The following KIF3A variants were observed in gnomAD, a reference collection of about 807,000 sequenced individuals.
The protein encoded by KIF3A is kinesin family member 3A, also known as kinesin-like protein KIF3A.
A neutral mutation model predicts 92.6 loss-of-function variants in KIF3A; 27 were observed. The ratio of observed to expected loss-of-function variants is 0.29; its 90% CI spans 0.21 to 0.40. KIF3A has a LOEUF of 0.40. Among genes scored for constraint, KIF3A ranks in the 10% least tolerant of loss-of-function variants. KIF3A has a pLI of 1.00. For missense variants in KIF3A, 581 were observed against 872.6 expected, an observed-to-expected ratio of 0.67 and a Z score of 4.21; for synonymous variants, 250 against 275.4, an observed-to-expected ratio of 0.91 and a Z score of 0.92.
chr5:132,727,904 A>T (rs1388348300), intron 2 of KIF3A, among the ~76,000 whole-genome samples: 2 of 152,140 alleles, frequency 1.3e-5, no homozygotes, highest in African/African-American at 2.4e-5. Context: ...CTTTTCTCAG[A>T]CTTTTTTTTG....
chr5:132,726,486 G>A lies in KIF3A; in HGVS notation c.293C>T (p.Ala98Val), dbSNP rs1754037602. Residue 98 changes from alanine (A) to valine (V), a missense_variant, in exon 3 of 19, where the codon GCA becomes GTA. Around this residue, in one of 5 missense-constraint regions of KIF3A, gnomAD observed 217 missense variants for 299.7 expected, o/e 0.72. Coordinates refer to ENST00000403231, the MANE Select transcript of KIF3A (RefSeq NM_001300791.2). ...VLEGYNGTIF[A>V]YGQTGTGKTF... ...TTTGCCTGTTCCGGTTTGTCCATATGCAAAAATAGTCCCTGAAAATGATGA... is the reference window on the plus strand; with the variant it reads ...TTTGCCTGTTCCGGTTTGTCCATATACAAAAATAGTCCCTGAAAATGATGA... 2 of 1,613,048 alleles carry A rather than the reference G, an allele frequency of 1.2e-6. No homozygotes were observed. Among genetic ancestry groups the A allele is most frequent in the Non-Finnish European group, 1.7e-6 (2 of 1,179,302 alleles).
Position 132,711,049 on chromosome 5 carries a change from T to G in KIF3A, c.1138A>C (p.Ile380Leu). ...GACCCACTGATATCAGAGCCTGATA[T>G]TTCTTCTCCTTGGACAGAAATTTAA... ...LKKKLEEGEE[I>L]SGSDISGSEE... Residue 380 changes from isoleucine (I) to leucine (L), a missense_variant, in exon 9 of 19, where the codon ATA becomes CTA. Ile to Leu is a conservative substitution (Grantham distance 5). Around this residue, in one of 5 missense-constraint regions of KIF3A, gnomAD observed 167 missense variants for 205.8 expected, o/e 0.81. Coordinates refer to ENST00000403231, the MANE Select transcript of KIF3A (RefSeq NM_001300791.2). The G allele has an allele frequency of 6.2e-7, 1 of 1,611,072 alleles. No homozygotes were observed. The highest frequency in any genetic ancestry group is 1.1e-5 in the South Asian group (1 of 90,998).
chr5:132,697,861 C>G (rs1285576009), intron 18 of KIF3A: 2 of 152,218 alleles, frequency 1.3e-5, no homozygotes, highest in African/African-American at 4.8e-5. Context: ...CTGCTCACCA[C>G]TGCCAATTTT....
rs1055005413 is a variant in KIF3A at position 132,702,283 on chromosome 5, G to T, written c.1759-71C>A. The T allele has an allele frequency of 6.2e-5, 92 of 1,476,458 alleles. No individual in the cohort carries two copies. In the Middle Eastern group the frequency reaches 1.4e-3, roughly 22 times the overall value. 91.5% of individuals were successfully genotyped at this position (1,476,458 alleles called of 1,614,324 possible). ...CTACAAAACAGCACCATCTCACATA[G>T]GATGCTTGTCTAAGAAACCTTGTGA... On this transcript the variant is annotated intron_variant, in intron 14 of 18. Transcript: ENST00000403231.
intron 15 of KIF3A, 26 bp downstream of exon 15, chr5:132,702,061 T>C (rs1030472841): frequency 2.5e-6 from 4 of 1,596,886 alleles, no homozygotes; most frequent in Non-Finnish European, 3.4e-6. Flanking sequence ...CAAGCGACTA[T>C]CTCGGTCAGA....
At chr5:132,704,148 CAG>C (rs1044583716) in intron 11 of KIF3A, among the ~76,000 whole-genome samples, 19 of 151,986 alleles carry the variant, frequency 1.3e-4, no homozygotes, top group Admixed American at 7.2e-4. Context: ...ATATATTTTT[CAG>C]AGTTTTTCTA....
At chr5:132,703,770 T>G (rs1464188053) in intron 11 of KIF3A, 151 bp from the exon 12 acceptor site, 2 of 581,712 alleles carry the variant, frequency 3.4e-6, no homozygotes, top group African/African-American at 3.7e-5. Context: ...AATAATATCA[T>G]GCATTTCCAT....
intron 4 of KIF3A, 63 bp downstream of exon 4, chr5:132,726,065 C>T (rs1000339311): frequency 5.8e-6 from 7 of 1,200,450 alleles, no homozygotes; most frequent in African/African-American, 1.6e-5. Context: ...GAAGGGGGAC[C>T]TTAATTTAGC....
At position 132,724,498 on chromosome 5, in the gene KIF3A, A is replaced by G. The variant is rs552404986; in HGVS notation, c.510+1630T>C. Among the ~76,000 whole-genome samples, 755 of 152,204 alleles carry G rather than the reference A, an allele frequency of 5.0e-3. 4 individuals are homozygous for G. Among genetic ancestry groups the G allele is most frequent in the African/African-American group, 0.017 (720 of 41,516 alleles). ...ATGAGTTCATGTCCTTTGTAGGGAC[A>G]TGGATGAAGCTGGAAACCAGCATTC... On this transcript the variant is annotated intron_variant, in intron 4 of 18. Transcript: ENST00000403231.
intron 8 of KIF3A, among the ~76,000 whole-genome samples, chr5:132,712,609 G>A (rs931925672): frequency 2.6e-5 from 4 of 152,156 alleles, no homozygotes; most frequent in African/African-American, 9.7e-5. Context: ...AAAAATAGTA[G>A]AAGAAAGTAT....
At chr5:132,734,573 T>A in intron 1 of KIF3A, 95 bp from the exon 2 acceptor site, 1 of 1,100,292 alleles carries the variant, frequency 9.1e-7, no homozygotes, top group Non-Finnish European at 1.3e-6. Context: ...CTTTTCCAAC[T>A]CAGTGCCTTG....
intron 10 of KIF3A, among the ~76,000 whole-genome samples, chr5:132,706,817 C>A (rs1186188095): frequency 6.6e-6 from 1 of 152,092 alleles, no homozygotes; most frequent in Non-Finnish European, 1.5e-5. Flanking sequence ...TAGGAACCTG[C>A]TAAGATCTGG....
intron 5 of KIF3A, among the ~76,000 whole-genome samples, chr5:132,720,215 CACTT>C (rs1325226506): frequency 2.0e-4 from 31 of 152,234 alleles, no homozygotes; most frequent in Non-Finnish European, 1.5e-4. Flanking sequence ...AACTAAGTCT[CACTT>C]TCTTCATTCA....
chr5:132,708,226 G>T (rs2237058), intron 10 of KIF3A, among the ~76,000 whole-genome samples: 1 of 149,418 alleles, frequency 6.7e-6, no homozygotes, highest in South Asian at 2.1e-4. Flanking sequence ...AGCTTGCAGT[G>T]AGCCAAGACT....
intron 18 of KIF3A, chr5:132,697,659 T>C (rs1468897639): frequency 2.6e-5 from 4 of 151,934 alleles, no homozygotes; most frequent in African/African-American, 9.7e-5. Flanking sequence ...CTAGTAAAAA[T>C]ACTAAAATTA....
At chr5:132,724,832 TA>T (rs1561709039) in intron 4 of KIF3A, among the ~76,000 whole-genome samples, 3 of 39,514 alleles carry the variant, frequency 7.6e-5, no homozygotes, top group African/African-American at 2.1e-4. Context: ...TATATATATA[TA>T]TATATATATA....
chr5:132,703,832 C>T (rs1291785958), intron 11 of KIF3A, among the ~76,000 whole-genome samples: 2 of 151,548 alleles, frequency 1.3e-5, no homozygotes, highest in East Asian at 3.9e-4. Context: ...AACTGTTGTC[C>T]AATTGTACAA....
At chr5:132,714,491 T>C (rs1427951153) in intron 8 of KIF3A, among the ~76,000 whole-genome samples, 1 of 152,160 alleles carries the variant, frequency 6.6e-6, no homozygotes, top group Non-Finnish European at 1.5e-5. Flanking sequence ...TGGATGAACC[T>C]TCAACGTTCT....
At chr5:132,708,544 A>C (rs1753304436) in intron 10 of KIF3A, among the ~76,000 whole-genome samples, 1 of 152,212 alleles carries the variant, frequency 6.6e-6, no homozygotes, top group African/African-American at 2.4e-5. Context: ...TAGAAATACA[A>C]GATTTGATGT....
Sources: gnomAD v4.1 joint callset for allele counts (sites outside exome capture counted in the v4.1 genomes callset) on GRCh38, gnomAD v4.1.1 for gene constraint, gnomAD v4.1.1 regional missense constraint, MANE v1.5 for transcripts, NCBI Gene and HGNC (gene_info 2026-07-23, HGNC 2026-07-21) for gene names.